The following MUC4 variants were observed in gnomAD, a reference collection of about 807,000 sequenced individuals.
The protein encoded by MUC4 is mucin-4.
Under a neutral mutation model 257.9 loss-of-function variants are expected in MUC4, and 202 were observed. The ratio of observed to expected loss-of-function variants is 0.78; its 90% CI spans 0.70 to 0.88. The LOEUF (loss-of-function observed/expected upper bound fraction) is 0.88, where lower values mean the gene tolerates loss of function less well. MUC4 is among the 40% of genes least tolerant of loss of function. MUC4 has a pLI of 0.00. For synonymous variants in MUC4, 2,351 were observed against 2,757.1 expected (o/e 0.85, Z 4.62); for missense variants, 5,976 against 6,513.7 (o/e 0.92, Z 2.84).
At chr3:195,753,529 G>A (rs755956015) in intron 19 of MUC4, 14 of 486,866 alleles carry the variant, frequency 2.9e-5, no homozygotes, top group African/African-American at 1.6e-4. Context: ...CTTTCCTCAC[G>A]CCCTCCCCTC....
At position 195,790,374 on chromosome 3, in the gene MUC4, A is replaced by G; in HGVS notation, c.1206T>C (p.Ser402=). ...KVFRMPTSRD[S]TLGNTEETSL... ...ATGTCTCCTCTGTGTTTCCAAGAGT[A>G]GAGTCTCTGGAGGTTGGCATTCTGA... is the stretch of plus-strand genomic sequence containing the variant. Residue 402 remains serine (S), a synonymous_variant, in exon 2 of 25, where the codon TCT becomes TCC. Transcript: ENST00000463781. The G allele has an allele frequency of 6.2e-7, 1 of 1,613,786 alleles. No homozygotes were observed. The highest frequency in any genetic ancestry group is 8.5e-7 in the Non-Finnish European group (1 of 1,179,702).
In MUC4 at chr3:195,783,042, G is replaced by C. The variant is rs1176645890; in HGVS notation, c.8538C>G (p.Thr2846=). 9.2e-7 allele frequency: 1 copy of C among 1,086,922 alleles called. No individual in the cohort carries two copies. Among genetic ancestry groups the C allele is most frequent in the Admixed American group, 2.5e-5 (1 of 39,970 alleles). 67.3% of individuals were successfully genotyped at this position (1,086,922 alleles called of 1,614,324 possible). A position where few individuals can be genotyped will look rare whatever the true frequency, so the allele number is the denominator to read the frequency against. ...AAGCGTCGGTGACAGGAAGAGGGGT[G>C]GTGTGACCTGAGGATGCTGAGGAAG... is the stretch of plus-strand genomic sequence containing the variant. ...TIPSSASSGH[T]TPLPVTDASS... Residue 2846 remains threonine, a synonymous_variant, in exon 2 of 25, where the codon ACC becomes ACG. Transcript: ENST00000463781.
intron 6 of MUC4, chr3:195,769,564 T>C (rs1483096127): frequency 1.6e-5 from 3 of 188,184 alleles, no homozygotes; most frequent in Non-Finnish European, 2.2e-5. Flanking sequence ...CTAAACAGCA[T>C]GGATGACACT....
intron 1 of MUC4, 24 bp downstream of exon 1, chr3:195,811,712 T>C (rs1402370938): frequency 6.2e-7 from 1 of 1,611,006 alleles, no homozygotes; most frequent in Admixed American, 1.7e-5. Context: ...GCAGCCAGCC[T>C]CATCTGCTGT....
In MUC4 at chr3:195,755,040, AGG is replaced by A. The variant is rs1326901587; in HGVS notation, c.15169-670_15169-669del. 4.6e-5 allele frequency among the ~76,000 whole-genome samples: 7 copies of A among 151,770 alleles called. No individual in the cohort carries two copies. Among genetic ancestry groups the A allele is most frequent in the Non-Finnish European group, 8.8e-5 (6 of 67,958 alleles). Reference sequence around the variant, plus strand: ...CTGGATTCCTTATTTATTTTGAGACAGGGTCCCACTCGGTTGCCCAGGCTGGA... The same window carrying A: ...CTGGATTCCTTATTTATTTTGAGACAGTCCCACTCGGTTGCCCAGGCTGGA... On this transcript the variant is annotated intron_variant, in intron 18 of 24. Coordinates refer to ENST00000463781, the MANE Select transcript of MUC4 (RefSeq NM_018406.7). This position sits in a 1 kb window ranked among gnomAD's most constrained non-coding sequence, Gnocchi z 5.0.
chr3:195,791,080 G>A lies in MUC4; in HGVS notation c.500C>T (p.Ser167Leu). The A allele has an allele frequency of 6.2e-7, 1 of 1,613,774 alleles. No homozygotes were observed. The highest frequency in any genetic ancestry group is 8.5e-7 in the Non-Finnish European group (1 of 1,179,848). ...AGTESSTPVT[S>L]AVSITAGQEG... ...CTGTCCAGCTGTTATTGAGACTGCT[G>A]AGGTCACTGGGGTAGAACTTTCAGT... The change falls in exon 2 of 25, where the codon TCA (serine) becomes TTA (leucine). Residue 167 changes from serine (S) to leucine (L), a missense_variant. Coordinates refer to ENST00000463781, the MANE Select transcript of MUC4 (RefSeq NM_018406.7).
At chr3:195,767,477 CCAT>C (rs1176915245) in intron 7 of MUC4, among the ~76,000 whole-genome samples, 5 of 143,514 alleles carry the variant, frequency 3.5e-5, no homozygotes, top group Non-Finnish European at 7.6e-5. Context: ...ACCACCATCA[CCAT>C]CACCACCACC....
intron 16 of MUC4, among the ~76,000 whole-genome samples, chr3:195,759,579 A>T (rs1718353845): frequency 1.3e-5 from 2 of 152,170 alleles, no homozygotes; most frequent in Admixed American, 1.3e-4. Flanking sequence ...TTGGACCATT[A>T]CAAAGGGTTG....
At chr3:195,770,479 C>T in intron 5 of MUC4, 108 bp from the exon 6 acceptor site, 1 of 1,221,024 alleles carries the variant, frequency 8.2e-7, no homozygotes, top group Non-Finnish European at 1.2e-6. Flanking sequence ...ACCCAATGGC[C>T]TGCCCTCCCC....
intron 7 of MUC4, among the ~76,000 whole-genome samples, chr3:195,767,650 A>T (rs1400832056): frequency 1.0e-5 from 1 of 97,070 alleles, no homozygotes; most frequent in Admixed American, 9.3e-5. Context: ...CATCGCCACC[A>T]CCACCACCAC....
intron 1 of MUC4, among the ~76,000 whole-genome samples, chr3:195,802,240 T>C (rs1324133882): frequency 6.6e-6 from 1 of 152,192 alleles, no homozygotes; most frequent in Non-Finnish European, 1.5e-5. Context: ...TTCTCTTCCT[T>C]GTCCCCTGTG....
At position 195,762,353 on chromosome 3, in the gene MUC4, T is replaced by C. The variant is rs539756385; in HGVS notation, c.14345-99A>G. 3.4e-5 allele frequency: 45 copies of C among 1,319,890 alleles called. No homozygotes were observed. The African/African-American group carries it at 6.0e-4, about 18-fold the overall frequency. The allele number at this position is 1,319,890 out of a possible 1,614,324, so 81.8% of individuals were successfully genotyped here. On this transcript the variant is annotated intron_variant, in intron 13 of 24. Transcript: ENST00000463781. ...GCCCGCACCACCCCCACCCCGCCCC[T>C]GGGGCTGAAGCCGGGAGGGGTCTGC...
chr3:195,798,658 T>C (rs975930976), intron 1 of MUC4, among the ~76,000 whole-genome samples: 14 of 151,984 alleles, frequency 9.2e-5, no homozygotes, highest in South Asian at 2.1e-4. Context: ...GAGCCGAGAT[T>C]GCACCACTGC....
chr3:195,796,615 T>C (rs932290110), intron 1 of MUC4, among the ~76,000 whole-genome samples: 1 of 151,620 alleles, frequency 6.6e-6, no homozygotes. Flanking sequence ...GGCGTGAACC[T>C]GGGAGGCAGA....
At chr3:195,753,306 C>G in intron 19 of MUC4, 76 bp from the exon 20 acceptor site, 1 of 1,450,932 alleles carries the variant, frequency 6.9e-7, no homozygotes, top group Non-Finnish European at 9.5e-7. Flanking sequence ...AAACCCGCTC[C>G]GGGACAGGCT....
intron 3 of MUC4, among the ~76,000 whole-genome samples, chr3:195,777,568 AC>A (rs1725148651): frequency 7.4e-6 from 1 of 135,906 alleles, no homozygotes; most frequent in Non-Finnish European, 1.6e-5. Flanking sequence ...TACCTTCCAC[AC>A]CCATACCTTC....
intron 1 of MUC4, among the ~76,000 whole-genome samples, chr3:195,799,218 T>C (rs938301986): frequency 1.5e-5 from 2 of 137,392 alleles, no homozygotes; most frequent in African/African-American, 5.6e-5. Context: ...TGCTAGTATG[T>C]ATGTGTGACA....
At chr3:195,751,185 A>AG in intron 22 of MUC4, 22 bp downstream of exon 22, 1 of 1,576,928 alleles carries the variant, frequency 6.3e-7, no homozygotes, top group Non-Finnish European at 8.6e-7. Context: ...CTGGGGGCTT[A>AG]GGGGGACACA....
At chr3:195,766,804 G>A (rs969301616) in intron 7 of MUC4, 53 bp from the exon 8 acceptor site, 10 of 1,542,000 alleles carry the variant, frequency 6.5e-6, no homozygotes, top group African/African-American at 2.7e-5. Context: ...CTCTTGCCTC[G>A]CGGTTGCAAG....
Sources: gnomAD v4.1 joint callset for allele counts (sites outside exome capture counted in the v4.1 genomes callset) on GRCh38, gnomAD v4.1.1 for gene constraint, Gnocchi (gnomAD v3.1) non-coding constraint, MANE v1.5 for transcripts, NCBI Gene and HGNC (gene_info 2026-07-23, HGNC 2026-07-21) for gene names.